RIMKLB: variants seen among roughly 807,000 people sequenced by gnomAD.
The protein encoded by RIMKLB is beta-citrylglutamate synthase B.
Under a neutral mutation model 32.0 loss-of-function variants are expected in RIMKLB, and 7 were observed. The ratio of observed to expected loss-of-function variants is 0.22; its 90% CI spans 0.12 to 0.41. The LOEUF is 0.41. Among genes scored for constraint, RIMKLB ranks in the 10% least tolerant of loss-of-function variants. The pLI is 1.00. For missense variants in RIMKLB, 289 were observed against 498.7 expected (o/e 0.58, Z 4.00); for synonymous variants, 172 against 185.1 (o/e 0.93, Z 0.57).
At chr12:8,750,116 T>C (rs1948490612) in intron 3 of RIMKLB, 24 bp downstream of exon 3, 1 of 1,398,618 alleles carries the variant, frequency 7.1e-7, no homozygotes, top group Non-Finnish European at 1.0e-6. Context: ...AGAGCATACA[T>C]AGCCTGAATA....
At chr12:8,751,764 G>A (rs1948637898) in intron 3 of RIMKLB, among the ~76,000 whole-genome samples, 193 bp from the exon 4 acceptor site, 1 of 152,148 alleles carries the variant, frequency 6.6e-6, no homozygotes. Flanking sequence ...TAGATTAAGG[G>A]AGCTATTATT....
At chr12:8,743,841 C>T (rs1008605111) in intron 2 of RIMKLB, among the ~76,000 whole-genome samples, 1 of 151,914 alleles carries the variant, frequency 6.6e-6, no homozygotes, top group Non-Finnish European at 1.5e-5. Context: ...TGATCCGAAA[C>T]TTATATCTAA....
intron 2 of RIMKLB, among the ~76,000 whole-genome samples, chr12:8,738,441 C>T (rs1290899889): frequency 2.6e-5 from 4 of 152,134 alleles, no homozygotes; most frequent in Non-Finnish European, 5.9e-5. Context: ...TAATAACGAG[C>T]TGTTTCTTAG....
At chr12:8,718,101 C>T (rs1455369269) in intron 2 of RIMKLB, among the ~76,000 whole-genome samples, 6 of 152,024 alleles carry the variant, frequency 3.9e-5, no homozygotes, top group Non-Finnish European at 2.9e-5. Flanking sequence ...CACAACTATC[C>T]CACTGTAGTC....
chr12:8,724,164 T>A (rs996633406), intron 2 of RIMKLB, among the ~76,000 whole-genome samples: 1 of 152,128 alleles, frequency 6.6e-6, no homozygotes, highest in African/African-American at 2.4e-5. Context: ...TTTCACTGAC[T>A]TGGTAATTTT....
At chr12:8,722,342 A>C (rs977074119) in intron 2 of RIMKLB, among the ~76,000 whole-genome samples, 2 of 152,108 alleles carry the variant, frequency 1.3e-5, no homozygotes, top group Non-Finnish European at 2.9e-5. Flanking sequence ...GACCAGGTGC[A>C]TCATCAGTGA....
At chr12:8,763,656 T>C (rs1387392505) in intron 5 of RIMKLB, among the ~76,000 whole-genome samples, 1 of 152,236 alleles carries the variant, frequency 6.6e-6, no homozygotes, top group Non-Finnish European at 1.5e-5. Context: ...TTGGAAACCT[T>C]GTAGCCACAA....
chr12:8,702,164 G>A (rs1228507221), intron 1 of RIMKLB, among the ~76,000 whole-genome samples: 1 of 152,174 alleles, frequency 6.6e-6, no homozygotes, highest in East Asian at 1.9e-4. Context: ...GTCAGGTTAT[G>A]CATTTCCCAC....
At chr12:8,742,481 C>T (rs1947649382) in intron 2 of RIMKLB, 1 of 419,616 alleles carries the variant, frequency 2.4e-6, no homozygotes, top group South Asian at 1.8e-5. Flanking sequence ...AGGATGTCCT[C>T]AAGTTCCTTG....
Position 8,776,407 on chromosome 12 carries a change from G to C in RIMKLB, c.*2623G>C. ...TACCTTAAGGAAACAAACAGCAGCA[G>C]ATATTTAGGTTAAACTTATTTTCAT... On this transcript the variant is annotated 3_prime_UTR_variant, in exon 6 of 6. Transcript: ENST00000535829. 8.2e-6 allele frequency: 8 copies of C among 971,060 alleles called. No homozygotes were observed. The highest frequency in any genetic ancestry group is 9.8e-6 in the Non-Finnish European group (8 of 816,958). The allele number at this position is 971,060 out of a possible 1,614,324, so 60.2% of individuals were successfully genotyped here.
At position 8,698,177 on chromosome 12, in the gene RIMKLB, A is replaced by G. The variant is rs1174692090; in HGVS notation, c.-177A>G. The G allele has an allele frequency of 1.2e-5, 4 of 336,676 alleles. No individual in the cohort carries two copies. Among genetic ancestry groups the G allele is most frequent in the Admixed American group, 7.9e-5 (2 of 25,360 alleles). The allele number at this position is 336,676 out of a possible 1,614,324, so 20.9% of individuals were successfully genotyped here. Reference sequence around the variant, plus strand: ...GAGGAGAAAGGAGGCGGCTCCCGGTATCCCGACCCCCTCCCCCTCCTCTCC... The same window carrying G: ...GAGGAGAAAGGAGGCGGCTCCCGGTGTCCCGACCCCCTCCCCCTCCTCTCC... On this transcript the variant is annotated 5_prime_UTR_variant, in exon 1 of 6. Transcript: ENST00000535829.
the RIMKLB span, among the ~76,000 whole-genome samples, chr12:8,675,300 C>G: frequency 6.6e-6 from 1 of 152,198 alleles, no homozygotes; most frequent in East Asian, 1.9e-4. Flanking sequence ...AATGTCCCCT[C>G]CTCTTGACAT....
intron 1 of RIMKLB, among the ~76,000 whole-genome samples, chr12:8,682,303 C>A (rs1224851513): frequency 1.3e-5 from 2 of 152,150 alleles, no homozygotes; most frequent in African/African-American, 2.4e-5. Flanking sequence ...GTTTACACTT[C>A]CCGTTGGTTG....
intron 5 of RIMKLB, among the ~76,000 whole-genome samples, chr12:8,769,260 T>C (rs1029989377): frequency 6.6e-6 from 1 of 152,002 alleles, no homozygotes; most frequent in Non-Finnish European, 1.5e-5. Flanking sequence ...TGTCAGAGAA[T>C]GTGGCCTGTA....
chr12:8,687,358 C>T (rs1457124245), intron 1 of RIMKLB, among the ~76,000 whole-genome samples: 1 of 152,152 alleles, frequency 6.6e-6, no homozygotes, highest in Non-Finnish European at 1.5e-5. Flanking sequence ...AACATACAAC[C>T]TCATCAAAGG....
intron 2 of RIMKLB, among the ~76,000 whole-genome samples, chr12:8,734,757 AG>A (rs1946842935): frequency 6.6e-6 from 1 of 152,122 alleles, no homozygotes; most frequent in Non-Finnish European, 1.5e-5. Context: ...GGAAGTAGGA[AG>A]GGGTTAACTT....
intron 5 of RIMKLB, among the ~76,000 whole-genome samples, chr12:8,761,257 G>A (rs1460537517): frequency 6.8e-6 from 1 of 146,162 alleles, no homozygotes; most frequent in Non-Finnish European, 1.5e-5. Flanking sequence ...AGACGAGAGG[G>A]TGAGGGGGAG....
intron 2 of RIMKLB, among the ~76,000 whole-genome samples, chr12:8,728,442 CAT>C (rs1248830552): frequency 1.3e-5 from 2 of 152,126 alleles, no homozygotes; most frequent in African/African-American, 2.4e-5. Flanking sequence ...GGACTACAAA[CAT>C]AACTAGTGTA....
intron 2 of RIMKLB, among the ~76,000 whole-genome samples, chr12:8,749,068 A>G (rs955246961): frequency 6.6e-6 from 1 of 152,236 alleles, no homozygotes; most frequent in African/African-American, 2.4e-5. Context: ...TTATAGAGGC[A>G]TATGTTCTCA....
Sources: gnomAD v4.1 joint callset for allele counts (sites outside exome capture counted in the v4.1 genomes callset) on GRCh38, gnomAD v4.1.1 for gene constraint, MANE v1.5 for transcripts, NCBI Gene and HGNC (gene_info 2026-07-23, HGNC 2026-07-21) for gene names.